Variants in TBC1D1 observed in about 807,000 individuals in gnomAD.
TBC1D1 encodes the protein TBC1 domain family member 1.
Under a neutral mutation model 125.6 loss-of-function variants are expected in TBC1D1, and 89 were observed. The ratio of observed to expected loss-of-function variants is 0.71; its 90% CI spans 0.60 to 0.85. The LOEUF (loss-of-function observed/expected upper bound fraction) is 0.85. Ranked by LOEUF, TBC1D1 falls within the 40% of genes least tolerant of loss-of-function variation. TBC1D1 has a pLI of 0.00. For synonymous variants in TBC1D1, 565 were observed against 564.1 expected, an observed-to-expected ratio of 1.00 and a Z score of -0.02; for missense variants, 1,377 against 1,469.2, an observed-to-expected ratio of 0.94 and a Z score of 1.03.
In TBC1D1 at chr4:38,070,909, A is replaced by G. The variant is rs945490135; in HGVS notation, c.2050+16571A>G. Among the ~76,000 whole-genome samples, 8 of 152,362 alleles carry G rather than the reference A, an allele frequency of 5.3e-5. 1 individual carries two copies. In the South Asian group the frequency reaches 1.7e-3, roughly 32 times the overall value. ...AAGTTTAAGATGGAGACATACTTCCATTGTGAATCATGATGCTAACCAGTA... is the reference window on the plus strand; with the variant it reads ...AAGTTTAAGATGGAGACATACTTCCGTTGTGAATCATGATGCTAACCAGTA... On this transcript the variant is annotated intron_variant, in intron 12 of 19. Transcript: ENST00000261439.
intron 2 of TBC1D1, among the ~76,000 whole-genome samples, chr4:37,910,536 G>A (rs1351529887): frequency 1.3e-5 from 2 of 152,006 alleles, no homozygotes; most frequent in East Asian, 3.8e-4. Context: ...TTAAAAATAT[G>A]CTTACTAACA....
intron 14 of TBC1D1, among the ~76,000 whole-genome samples, chr4:38,102,387 A>G (rs951569784): frequency 6.6e-6 from 1 of 152,050 alleles, no homozygotes; most frequent in Non-Finnish European, 1.5e-5. Flanking sequence ...GTTAATTGGC[A>G]CCAGGTTGGA....
chr4:37,973,521 T>C (rs1560552143), intron 2 of TBC1D1, among the ~76,000 whole-genome samples: 1 of 152,260 alleles, frequency 6.6e-6, no homozygotes. Flanking sequence ...TAGTCAATTC[T>C]GGGTTCTCCT....
At chr4:37,902,932 A>G (rs9995726) in intron 2 of TBC1D1, among the ~76,000 whole-genome samples, 33,712 of 152,168 alleles carry the variant, frequency 0.22, 4,944 homozygotes, top group African/African-American at 0.41. Context: ...GCTGCCAAGA[A>G]ATGCTGATGC....
chr4:38,114,842 C>T (rs1273669985), intron 15 of TBC1D1, among the ~76,000 whole-genome samples: 1 of 151,980 alleles, frequency 6.6e-6, no homozygotes, highest in Non-Finnish European at 1.5e-5. Context: ...TGCTGCTCCT[C>T]AGGCTGTTTC....
intron 15 of TBC1D1, among the ~76,000 whole-genome samples, chr4:38,113,628 G>A (rs964789445): frequency 6.6e-6 from 1 of 152,246 alleles, no homozygotes; most frequent in Non-Finnish European, 1.5e-5. Flanking sequence ...CAGAAATGCA[G>A]AAGTGGGGAA....
chr4:38,062,779 G>A (rs999253314), intron 12 of TBC1D1, among the ~76,000 whole-genome samples: 22 of 152,124 alleles, frequency 1.4e-4, no homozygotes, highest in African/African-American at 5.1e-4. Flanking sequence ...GTGAACCTCC[G>A]GCGTTTAAAC....
intron 7 of TBC1D1, among the ~76,000 whole-genome samples, chr4:38,032,998 C>T (rs1299172861): frequency 6.6e-6 from 1 of 152,126 alleles, no homozygotes; most frequent in Non-Finnish European, 1.5e-5. Context: ...ACACCATCGA[C>T]GTTTATTTCT....
At chr4:37,912,918 C>G (rs560673142) in intron 2 of TBC1D1, among the ~76,000 whole-genome samples, 23 of 152,234 alleles carry the variant, frequency 1.5e-4, no homozygotes, top group Non-Finnish European at 2.1e-4. Flanking sequence ...AAGACAGTTA[C>G]TATTAGAAGC....
intron 19 of TBC1D1, among the ~76,000 whole-genome samples, chr4:38,135,864 G>GCA (rs1766434423): frequency 2.0e-5 from 3 of 149,798 alleles, no homozygotes; most frequent in Non-Finnish European, 4.4e-5. Context: ...ATGTGTGTGT[G>GCA]TATATATATG....
At chr4:37,989,709 G>A (rs927064021) in intron 2 of TBC1D1, among the ~76,000 whole-genome samples, 1 of 152,216 alleles carries the variant, frequency 6.6e-6, no homozygotes, top group Non-Finnish European at 1.5e-5. Flanking sequence ...ACTTAGATCA[G>A]TTAAGGGGAA....
At chr4:37,961,222 C>T in intron 2 of TBC1D1, 1 of 704,634 alleles carries the variant, frequency 1.4e-6, no homozygotes, top group Non-Finnish European at 2.3e-6. Context: ...GGGGATATGT[C>T]AACATGATTT....
intron 10 of TBC1D1, among the ~76,000 whole-genome samples, chr4:38,049,151 A>G (rs1273719762): frequency 2.6e-5 from 4 of 152,206 alleles, no homozygotes; most frequent in Admixed American, 2.6e-4. Context: ...CTTAATCTCA[A>G]ATTATGAAGT....
chr4:37,935,374 A>G (rs1724177676), intron 2 of TBC1D1, among the ~76,000 whole-genome samples: 1 of 152,022 alleles, frequency 6.6e-6, no homozygotes, highest in Non-Finnish European at 1.5e-5. Context: ...TCTCTTCAAC[A>G]TTTTGTTTCT....
chr4:37,959,482 GTC>G (rs1426221718), intron 2 of TBC1D1, among the ~76,000 whole-genome samples: 2 of 152,198 alleles, frequency 1.3e-5, no homozygotes, highest in African/African-American at 4.8e-5. Flanking sequence ...TGGTCTTGCA[GTC>G]TCAGAGGTGG....
intron 2 of TBC1D1, among the ~76,000 whole-genome samples, chr4:37,962,874 T>C (rs1730319901): frequency 6.6e-6 from 1 of 152,254 alleles, no homozygotes; most frequent in Admixed American, 6.5e-5. Flanking sequence ...CTAAGTCCAA[T>C]GATCAGCTGG....
chr4:38,130,504 A>C (rs1385190238), intron 18 of TBC1D1, among the ~76,000 whole-genome samples: 4 of 152,234 alleles, frequency 2.6e-5, no homozygotes, highest in African/African-American at 9.6e-5. Context: ...ACTGAAAACT[A>C]TGAAGAACCT....
intron 17 of TBC1D1, among the ~76,000 whole-genome samples, chr4:38,119,636 T>C (rs749128400): frequency 1.3e-5 from 2 of 152,236 alleles, no homozygotes; most frequent in African/African-American, 4.8e-5. Context: ...ATAACTTCTA[T>C]GTTTTTGACT....
At chr4:38,056,967 A>G (rs780026385) in intron 12 of TBC1D1, among the ~76,000 whole-genome samples, 53 of 152,366 alleles carry the variant, frequency 3.5e-4, no homozygotes, top group Admixed American at 1.4e-3. Context: ...CAAGTGGACA[A>G]ACATGGCCTT....
Sources: gnomAD v4.1 joint callset for allele counts (sites outside exome capture counted in the v4.1 genomes callset) on GRCh38, gnomAD v4.1.1 for gene constraint, MANE v1.5 for transcripts, NCBI Gene and HGNC (gene_info 2026-07-23, HGNC 2026-07-21) for gene names.